KIF26B: variants seen among roughly 807,000 people sequenced by gnomAD.
The protein encoded by KIF26B is kinesin-like protein KIF26B.
A neutral mutation model predicts 151.2 loss-of-function variants in KIF26B; 63 were observed. The ratio of observed to expected loss-of-function variants is 0.42; its 90% CI spans 0.34 to 0.51. The LOEUF is 0.51. KIF26B is among the 20% of genes least tolerant of loss of function. The pLI is 0.07. For synonymous variants in KIF26B, 1,357 were observed against 1,262.1 expected (o/e 1.08, Z -1.59); for missense variants, 2,813 against 2,913.6 (o/e 0.97, Z 0.79).
At chr1:245,464,639 CGTGTGTGTGGGTGTGCGT>C (rs1292392408) in intron 4 of KIF26B, among the ~76,000 whole-genome samples, 3 of 107,454 alleles carry the variant, frequency 2.8e-5, no homozygotes, top group African/African-American at 1.1e-4. Context: ...TGTTTGGCAC[CGTGTGTGTGGGTGTGCGT>C]GTGTGTGTGT....
chr1:245,528,044 GATAA>G (rs1428766049), intron 4 of KIF26B, among the ~76,000 whole-genome samples: 3 of 152,086 alleles, frequency 2.0e-5, no homozygotes, highest in African/African-American at 7.2e-5. Flanking sequence ...GGGAGCATCC[GATAA>G]GAACGGATTG....
At chr1:245,692,796 T>G (rs772588855) in intron 12 of KIF26B, among the ~76,000 whole-genome samples, 1 of 152,148 alleles carries the variant, frequency 6.6e-6, no homozygotes, top group South Asian at 2.1e-4. Flanking sequence ...AGAGAAATGA[T>G]GTTGCTTTTA....
At chr1:245,632,034 G>A (rs569733447) in intron 9 of KIF26B, among the ~76,000 whole-genome samples, 9 of 152,042 alleles carry the variant, frequency 5.9e-5, no homozygotes, top group South Asian at 2.1e-4. Flanking sequence ...TTGTGTGTGT[G>A]TGTGTTTATT....
At chr1:245,474,988 CAAAA>C (rs879581402) in intron 4 of KIF26B, among the ~76,000 whole-genome samples, 1 of 150,746 alleles carries the variant, frequency 6.6e-6, no homozygotes, top group African/African-American at 2.4e-5. Flanking sequence ...GTAAAACAAA[CAAAA>C]AAAAATTGGG....
intron 3 of KIF26B, among the ~76,000 whole-genome samples, chr1:245,384,860 A>C (rs972596188): frequency 1.3e-5 from 2 of 152,346 alleles, no homozygotes; most frequent in East Asian, 3.9e-4. Flanking sequence ...TTAGGTAAGA[A>C]TATATATTTG....
chr1:245,213,900 C>A (rs985529586), intron 2 of KIF26B, among the ~76,000 whole-genome samples: 3 of 152,156 alleles, frequency 2.0e-5, no homozygotes, highest in Non-Finnish European at 1.5e-5. Flanking sequence ...TCTAAAGTTG[C>A]CACACAGTAA....
In KIF26B at chr1:245,155,424, C is replaced by T; in HGVS notation, c.-1C>T. 1 of 1,610,320 alleles carries T rather than the reference C, an allele frequency of 6.2e-7. No individual in the cohort carries two copies. Among genetic ancestry groups the T allele is most frequent in the Middle Eastern group, 1.7e-4 (1 of 6,056 alleles). On this transcript the variant is annotated 5_prime_UTR_variant, in exon 1 of 15. Coordinates refer to ENST00000407071, the MANE Select transcript of KIF26B (RefSeq NM_018012.4). ...AGATACTCTCCTCTGGAAAAGCCACCATGAATTCGGTAGCTGGGAATAAAG... is the reference window on the plus strand; with the variant it reads ...AGATACTCTCCTCTGGAAAAGCCACTATGAATTCGGTAGCTGGGAATAAAG...
At chr1:245,555,916 C>G (rs11589945) in intron 5 of KIF26B, among the ~76,000 whole-genome samples, 52,904 of 151,946 alleles carry the variant, frequency 0.35, 9,682 homozygotes, top group Admixed American at 0.49. Flanking sequence ...AAGTGGCCTG[C>G]GTATTCAACA....
At position 245,190,733 on chromosome 1, in the gene KIF26B, C is replaced by T. The variant is rs1180733372; in HGVS notation, c.465+34050C>T. Among the ~76,000 whole-genome samples the T allele has an allele frequency of 6.0e-5, 9 of 149,950 alleles. No homozygotes were observed. In the East Asian group the frequency reaches 1.8e-3, roughly 29 times the overall value. ...GATTTGAAGAAAGTAGTCATTTTCC[C>T]TTAGGCTTATGATGCCTCAGTCTCC... On this transcript the variant is annotated intron_variant, in intron 2 of 14. Coordinates refer to ENST00000407071, the MANE Select transcript of KIF26B (RefSeq NM_018012.4).
In KIF26B at chr1:245,704,933, A is replaced by G. The variant is rs942491444; in HGVS notation, c.*2327A>G. ...TGGAAAGAAACTCATCTGATGAGTC[A>G]TCGATGAGTTTGGCTTTCGCCCCTG... On this transcript the variant is annotated 3_prime_UTR_variant, in exon 15 of 15. Coordinates refer to ENST00000407071, the MANE Select transcript of KIF26B (RefSeq NM_018012.4). The G allele has an allele frequency of 6.6e-6, 1 of 152,262 alleles. No homozygotes were observed. The highest frequency in any genetic ancestry group is 2.4e-5 in the African/African-American group (1 of 41,472). 9.4% of individuals were successfully genotyped at this position (152,262 alleles called of 1,614,324 possible). A position where few individuals can be genotyped will look rare whatever the true frequency, so the allele number is the denominator to read the frequency against.
chr1:245,291,777 G>A (rs796511072), intron 2 of KIF26B, among the ~76,000 whole-genome samples: 2 of 152,324 alleles, frequency 1.3e-5, no homozygotes, highest in African/African-American at 4.8e-5. Context: ...GGTAGGAAGG[G>A]GTGTTCTCGC....
intron 3 of KIF26B, among the ~76,000 whole-genome samples, chr1:245,369,179 GA>G (rs1410847629): frequency 7.9e-6 from 1 of 127,014 alleles, no homozygotes; most frequent in East Asian, 3.3e-4. Context: ...GAGAGAGAGA[GA>G]GAGAGAGAGA....
intron 5 of KIF26B, among the ~76,000 whole-genome samples, chr1:245,561,650 AT>A (rs1292277617): frequency 6.6e-6 from 1 of 152,194 alleles, no homozygotes; most frequent in African/African-American, 2.4e-5. Context: ...TGCATACCTC[AT>A]TTCATTTGTA....
Position 245,686,825 on chromosome 1 carries a change from G to A in KIF26B, c.3842G>A (p.Trp1281Ter). Residue 1281 changes from tryptophan (W) to a stop codon, truncating the protein, a stop_gained, in exon 12 of 15, where the codon TGG becomes TAG. Coordinates refer to ENST00000407071, the MANE Select transcript of KIF26B (RefSeq NM_018012.4). LOFTEE classifies it high-confidence loss of function. The surrounding 1 kb of genome is among the most constrained non-coding windows in gnomAD (Gnocchi z 5.6). ...AGSRRSSISS[W>*]LSEMSAGSEG... ...AGCAGACGCTCTTCCATCAGCTCCT[G>A]GCTGAGCGAGATGAGCGCGGGCAGT... 1 of 1,613,594 alleles carries A rather than the reference G, an allele frequency of 6.2e-7. No homozygotes were observed. Among genetic ancestry groups the A allele is most frequent in the Non-Finnish European group, 8.5e-7 (1 of 1,179,854 alleles).
intron 3 of KIF26B, among the ~76,000 whole-genome samples, chr1:245,386,794 T>G (rs113816518): frequency 0.011 from 1,613 of 152,348 alleles, 28 homozygotes; most frequent in African/African-American, 0.037. Context: ...AGAAAAACAG[T>G]GCAGCATAAA....
At position 245,262,285 on chromosome 1, in the gene KIF26B, A is replaced by G. The variant is rs111492518; in HGVS notation, c.466-104549A>G. Among the ~76,000 whole-genome samples, 1,438 of 152,282 alleles carry G rather than the reference A, an allele frequency of 9.4e-3. 11 individuals carry two copies. The highest frequency in any genetic ancestry group is 0.017 in the Non-Finnish European group (1,130 of 68,016). ...TTGATTACCTGTGATTTTGCTTTGCATACAATTTTATTTCCTTGGTGAGAG... is the reference window on the plus strand; with the variant it reads ...TTGATTACCTGTGATTTTGCTTTGCGTACAATTTTATTTCCTTGGTGAGAG... On this transcript the variant is annotated intron_variant, in intron 2 of 14. Coordinates refer to ENST00000407071, the MANE Select transcript of KIF26B (RefSeq NM_018012.4).
intron 10 of KIF26B, among the ~76,000 whole-genome samples, chr1:245,653,761 T>C (rs2044044877): frequency 6.6e-6 from 1 of 152,088 alleles, no homozygotes; most frequent in Non-Finnish European, 1.5e-5. Context: ...GTGTAGTTGA[T>C]TATAAGTAAA....
intron 10 of KIF26B, among the ~76,000 whole-genome samples, chr1:245,683,531 CAG>C (rs781212682): frequency 6.6e-6 from 1 of 152,176 alleles, no homozygotes; most frequent in Non-Finnish European, 1.5e-5. Flanking sequence ...TATCACCACT[CAG>C]GGCAGTGGCC....
At chr1:245,557,763 A>G (rs1239719294) in intron 5 of KIF26B, among the ~76,000 whole-genome samples, 1 of 152,228 alleles carries the variant, frequency 6.6e-6, no homozygotes, top group Non-Finnish European at 1.5e-5. Context: ...GAAGAAGCAC[A>G]GGTGAGCTAC....
Sources: allele counts gnomAD v4.1 joint callset (sites outside exome capture counted in the v4.1 genomes callset), GRCh38; gene constraint gnomAD v4.1.1; non-coding constraint Gnocchi (gnomAD v3.1); transcripts MANE v1.5; gene names NCBI Gene and HGNC (gene_info 2026-07-23, HGNC 2026-07-21).